The following DYM variants were observed in gnomAD, a reference collection of about 807,000 sequenced individuals.
DYM encodes the protein dymeclin.
Under a neutral mutation model 93.1 loss-of-function variants are expected in DYM, and 78 were observed. That is an observed-to-expected ratio of 0.84 (90% CI 0.70 to 1.01). The LOEUF (loss-of-function observed/expected upper bound fraction) is 1.01, where lower values mean the gene tolerates loss of function less well. Ranked by LOEUF, DYM falls within the 50% of genes least tolerant of loss-of-function variation. DYM has a pLI of 0.00. For missense variants in DYM, 789 were observed against 845.0 expected, an observed-to-expected ratio of 0.93 and a Z score of 0.82; for synonymous variants, 321 against 319.7, an observed-to-expected ratio of 1.00 and a Z score of -0.04.
At chr18:49,097,582 C>A in intron 16 of DYM, 67 bp from the exon 17 acceptor site, 1 of 1,310,282 alleles carries the variant, frequency 7.6e-7, no homozygotes, top group Non-Finnish European at 1.1e-6. Flanking sequence ...AGCCGCCTTT[C>A]TCACATGGTA....
intron 1 of DYM, among the ~76,000 whole-genome samples, chr18:49,450,623 G>A (rs546201945): frequency 2.4e-4 from 36 of 152,288 alleles, no homozygotes; most frequent in African/African-American, 7.5e-4. Flanking sequence ...CCAGAGAAGA[G>A]GTAAACAGGA....
intron 2 of DYM, among the ~76,000 whole-genome samples, chr18:49,420,574 C>T (rs981014303): frequency 1.3e-5 from 2 of 152,130 alleles, no homozygotes; most frequent in African/African-American, 2.4e-5. Flanking sequence ...CAACTCCAGT[C>T]TACAGCTCCC....
chr18:49,109,178 A>C (rs2081165557), intron 16 of DYM, among the ~76,000 whole-genome samples: 1 of 152,104 alleles, frequency 6.6e-6, no homozygotes, highest in South Asian at 2.1e-4. Context: ...TCTGTCTTTT[A>C]ATTGAGGCAT....
In DYM at chr18:49,211,806, G is replaced by A. The variant is rs547752110; in HGVS notation, c.1461-2091C>T. Among the ~76,000 whole-genome samples, 6 of 152,298 alleles carry A rather than the reference G, an allele frequency of 3.9e-5. No homozygotes were observed. In the South Asian group the frequency reaches 1.2e-3, roughly 32 times the overall value. ...GAAATAGAGAAAGTCTTAAGAAGCT[G>A]TTAATCTCCAAAACAGAGTAGTTAA... On this transcript the variant is annotated intron_variant, in intron 13 of 17. Coordinates refer to ENST00000675505, the MANE Select transcript of DYM (RefSeq NM_001353214.3).
At chr18:49,384,322 CAAAA>C (rs398032777) in intron 3 of DYM, among the ~76,000 whole-genome samples, 2 of 65,826 alleles carry the variant, frequency 3.0e-5, no homozygotes, top group Non-Finnish European at 5.5e-5. Context: ...ACCATGTCTC[CAAAA>C]AAAAAAAAAA....
At chr18:49,301,862 G>C (rs1215630768) in intron 8 of DYM, among the ~76,000 whole-genome samples, 1 of 152,188 alleles carries the variant, frequency 6.6e-6, no homozygotes, top group South Asian at 2.1e-4. Flanking sequence ...CATGTGTGGT[G>C]CCCTAGGTAT....
intron 8 of DYM, among the ~76,000 whole-genome samples, chr18:49,294,327 A>C (rs1408319296): frequency 1.3e-5 from 2 of 152,150 alleles, no homozygotes; most frequent in African/African-American, 4.8e-5. Flanking sequence ...ATGAAATTTA[A>C]AGCAGTTTTT....
intron 15 of DYM, among the ~76,000 whole-genome samples, chr18:49,121,121 G>A (rs996433048): frequency 2.0e-5 from 3 of 152,206 alleles, no homozygotes; most frequent in Non-Finnish European, 4.4e-5. Flanking sequence ...AAATATCAAA[G>A]AGGGAATATA....
chr18:49,065,244 C>T (rs1028234399), intron 17 of DYM, among the ~76,000 whole-genome samples: 1 of 152,176 alleles, frequency 6.6e-6, no homozygotes, highest in Non-Finnish European at 1.5e-5. Flanking sequence ...AAACTATTTT[C>T]CCATTCCTAT....
chr18:49,099,236 A>G (rs898815749), intron 16 of DYM, among the ~76,000 whole-genome samples: 1 of 152,148 alleles, frequency 6.6e-6, no homozygotes, highest in Non-Finnish European at 1.5e-5. Context: ...CTGAAAGCTG[A>G]TATTTCACTA....
chr18:49,458,236 A>G lies in DYM; in HGVS notation c.-54+2162T>C, dbSNP rs975494699. 2.2e-4 allele frequency among the ~76,000 whole-genome samples: 33 copies of G among 152,166 alleles called. 1 individual carries two copies. The highest frequency in any genetic ancestry group is 3.1e-4 in the Non-Finnish European group (21 of 68,028). Reference sequence around the variant, plus strand: ...AAGAGCCATTTGTACATGTTGTAACATATTTCACTTCTATTTCTCTCCTGC... The same window carrying G: ...AAGAGCCATTTGTACATGTTGTAACGTATTTCACTTCTATTTCTCTCCTGC... On this transcript the variant is annotated intron_variant, in intron 1 of 17. Transcript: ENST00000675505.
chr18:49,381,441 CTG>C (rs1312838752), intron 3 of DYM, among the ~76,000 whole-genome samples: 2 of 152,174 alleles, frequency 1.3e-5, no homozygotes, highest in African/African-American at 4.8e-5. Flanking sequence ...AACTTTCTAA[CTG>C]TGATAAAATG....
chr18:49,242,888 G>A (rs2094059922), intron 13 of DYM, among the ~76,000 whole-genome samples: 1 of 152,096 alleles, frequency 6.6e-6, no homozygotes, highest in Non-Finnish European at 1.5e-5. Context: ...TTTTAGTAGA[G>A]ACGGGGTTTC....
intron 13 of DYM, among the ~76,000 whole-genome samples, chr18:49,232,907 C>A (rs117394968): frequency 0.011 from 1,727 of 152,102 alleles, 17 homozygotes; most frequent in South Asian, 0.018. Flanking sequence ...CCATGCCCAG[C>A]CTGAAACGGA....
At chr18:49,110,890 C>A (rs1023852859) in intron 16 of DYM, among the ~76,000 whole-genome samples, 1 of 152,070 alleles carries the variant, frequency 6.6e-6, no homozygotes, top group Admixed American at 6.5e-5. Flanking sequence ...TCTCATTTTT[C>A]ACATGTTTTT....
intron 6 of DYM, among the ~76,000 whole-genome samples, chr18:49,344,278 G>A (rs377224738): frequency 1.2e-4 from 18 of 152,136 alleles, no homozygotes; most frequent in African/African-American, 3.1e-4. Context: ...CTGCTTCCTC[G>A]TTACCACGTT....
At chr18:49,104,142 G>T (rs1301845321) in intron 16 of DYM, among the ~76,000 whole-genome samples, 4 of 152,028 alleles carry the variant, frequency 2.6e-5, no homozygotes, top group Non-Finnish European at 4.4e-5. Context: ...CTTGTAAGTT[G>T]GATTCCTAGG....
intron 6 of DYM, 78 bp from the exon 7 acceptor site, chr18:49,333,931 TA>T: frequency 7.0e-7 from 1 of 1,421,542 alleles, no homozygotes; most frequent in Non-Finnish European, 9.7e-7. Context: ...ACTATACATT[TA>T]AAAACTCAAA....
intron 13 of DYM, among the ~76,000 whole-genome samples, chr18:49,230,511 C>G (rs573758374): frequency 3.6e-4 from 55 of 152,254 alleles, no homozygotes; most frequent in Non-Finnish European, 6.6e-4. Flanking sequence ...ATGACAGAGA[C>G]TTGTTAATAT....
Sources: allele counts gnomAD v4.1 joint callset (sites outside exome capture counted in the v4.1 genomes callset), GRCh38; gene constraint gnomAD v4.1.1; transcripts MANE v1.5; gene names NCBI Gene and HGNC (gene_info 2026-07-23, HGNC 2026-07-21).